RBFOX1: variants seen among roughly 807,000 people sequenced by gnomAD.
RBFOX1 encodes the protein RNA binding protein fox-1 homolog 1.
In RBFOX1, 8 loss-of-function variants were observed where a neutral mutation model predicts 57.7. That is an observed-to-expected ratio of 0.14 (90% CI 0.08 to 0.25). The LOEUF (loss-of-function observed/expected upper bound fraction) is 0.25. RBFOX1 is among the 10% of genes least tolerant of loss of function. The pLI, the probability that RBFOX1 is intolerant of heterozygous loss-of-function variation, is 1.00. For missense variants in RBFOX1, 611 were observed against 548.5 expected (o/e 1.11, Z -1.14); for synonymous variants, 326 against 222.4 (o/e 1.47, Z -4.15).
chr16:7,364,409 G>C (rs1302034459), intron 4 of RBFOX1, among the ~76,000 whole-genome samples: 1 of 152,082 alleles, frequency 6.6e-6, no homozygotes, highest in Non-Finnish European at 1.5e-5. Context: ...TAGATCTTGA[G>C]ATGCTAGCAT....
At chr16:5,515,157 C>A (rs1020489265) in intron 2 of RBFOX1, among the ~76,000 whole-genome samples, 1 of 152,260 alleles carries the variant, frequency 6.6e-6, no homozygotes, top group Non-Finnish European at 1.5e-5. Flanking sequence ...ACACCTCCCA[C>A]TTCAATACCG....
At chr16:6,981,562 TTGAC>T (rs1365451904) in intron 3 of RBFOX1, among the ~76,000 whole-genome samples, 1 of 152,154 alleles carries the variant, frequency 6.6e-6, no homozygotes, top group African/African-American at 2.4e-5. Flanking sequence ...GAAGATTAAA[TTGAC>T]TGACAGTTCC....
At chr16:5,277,994 G>A (rs776904146) in intron 1 of RBFOX1, among the ~76,000 whole-genome samples, 3 of 152,154 alleles carry the variant, frequency 2.0e-5, no homozygotes, top group Non-Finnish European at 4.4e-5. Context: ...TTGATACACT[G>A]ATATCCTTTT....
chr16:7,110,542 A>T (rs1035512935), intron 4 of RBFOX1, among the ~76,000 whole-genome samples: 1 of 152,186 alleles, frequency 6.6e-6, no homozygotes, highest in African/African-American at 2.4e-5. Context: ...AATAAAATCT[A>T]AGAACTTCGA....
chr16:5,329,940 G>A (rs968163290), intron 1 of RBFOX1, among the ~76,000 whole-genome samples: 3 of 149,206 alleles, frequency 2.0e-5, no homozygotes, highest in African/African-American at 7.7e-5. Context: ...CTGAGTTCAT[G>A]CCACTGCACT....
intron 1 of RBFOX1, among the ~76,000 whole-genome samples, chr16:5,321,402 C>T (rs991870530): frequency 1.3e-5 from 2 of 151,776 alleles, no homozygotes; most frequent in African/African-American, 4.8e-5. Flanking sequence ...TTACTGCCAG[C>T]TCCGCCTCCT....
At chr16:5,563,549 C>T (rs746060892) in intron 2 of RBFOX1, among the ~76,000 whole-genome samples, 6 of 152,128 alleles carry the variant, frequency 3.9e-5, no homozygotes, top group East Asian at 1.9e-4. Flanking sequence ...TTACAGTTAA[C>T]GCACCTTGGT....
chr16:6,779,174 C>G (rs2079907731), intron 3 of RBFOX1, among the ~76,000 whole-genome samples: 1 of 152,052 alleles, frequency 6.6e-6, no homozygotes, highest in African/African-American at 2.4e-5. Flanking sequence ...TTGCTCTCAA[C>G]TCCCCTTCCT....
chr16:6,896,393 T>C (rs1386945128), intron 3 of RBFOX1, among the ~76,000 whole-genome samples: 1 of 152,214 alleles, frequency 6.6e-6, no homozygotes, highest in Non-Finnish European at 1.5e-5. Context: ...TTTCTTTTTT[T>C]CTTTAAACTC....
At chr16:7,591,733 A>G (rs2094451998) in intron 7 of RBFOX1, among the ~76,000 whole-genome samples, 1 of 152,144 alleles carries the variant, frequency 6.6e-6, no homozygotes, top group East Asian at 1.9e-4. Flanking sequence ...ACACATCAGC[A>G]TCACACCCAG....
At chr16:7,488,348 G>T (rs2065961845) in intron 4 of RBFOX1, among the ~76,000 whole-genome samples, 1 of 152,056 alleles carries the variant, frequency 6.6e-6, no homozygotes, top group South Asian at 2.1e-4. Context: ...TAGATAGTTG[G>T]ATAGATACAC....
At chr16:5,344,258 G>C (rs2065093486) in intron 1 of RBFOX1, among the ~76,000 whole-genome samples, 1 of 152,160 alleles carries the variant, frequency 6.6e-6, no homozygotes, top group African/African-American at 2.4e-5. Context: ...ATGTCCTGCA[G>C]CTCCCTCTCT....
At chr16:6,769,653 C>A (rs1252837110) in intron 3 of RBFOX1, among the ~76,000 whole-genome samples, 1 of 152,190 alleles carries the variant, frequency 6.6e-6, no homozygotes, top group African/African-American at 2.4e-5. Context: ...ATGTATAATA[C>A]GAGTGTATCT....
intron 4 of RBFOX1, among the ~76,000 whole-genome samples, chr16:7,448,182 A>G (rs561999691): frequency 1.3e-5 from 2 of 152,342 alleles, no homozygotes; most frequent in African/African-American, 2.4e-5. Context: ...CTGCAAACAG[A>G]GCGGCTTAAA....
At chr16:6,816,734 T>G (rs1424925061) in intron 3 of RBFOX1, among the ~76,000 whole-genome samples, 1 of 138,934 alleles carries the variant, frequency 7.2e-6, no homozygotes, top group African/African-American at 2.9e-5. Context: ...AGCAAGACTG[T>G]CTCAAAAAAA....
In RBFOX1 at chr16:7,231,254, A is replaced by G. The variant is rs148040246; in HGVS notation, c.27+179156A>G. Among the ~76,000 whole-genome samples, 235 of 152,292 alleles carry G rather than the reference A, an allele frequency of 1.5e-3. 1 individual carries two copies. The highest frequency in any genetic ancestry group is 5.3e-3 in the African/African-American group (221 of 41,548). ...TTGTTTTCTGGTAGCTGGGCAAAGA[A>G]ATAAGGGAGGGCTTGGCTGGTTTGT... On this transcript the variant is annotated intron_variant, in intron 4 of 15. Coordinates refer to ENST00000550418, the MANE Select transcript of RBFOX1 (RefSeq NM_018723.4).
intron 3 of RBFOX1, among the ~76,000 whole-genome samples, chr16:5,640,992 C>A (rs1596551088): frequency 6.6e-6 from 1 of 150,970 alleles, no homozygotes; most frequent in Non-Finnish European, 1.5e-5. Flanking sequence ...GCATATCATG[C>A]ATACATATGC....
chr16:5,530,309 C>T (rs752841753), intron 2 of RBFOX1, among the ~76,000 whole-genome samples: 1 of 152,174 alleles, frequency 6.6e-6, no homozygotes, highest in East Asian at 1.9e-4. Context: ...GCCTTTCTCT[C>T]ATTTATTGCT....
chr16:6,470,611 C>G (rs2095152198), intron 2 of RBFOX1, among the ~76,000 whole-genome samples: 1 of 152,172 alleles, frequency 6.6e-6, no homozygotes, highest in Non-Finnish European at 1.5e-5. Context: ...TTGTGTAACT[C>G]TTTCTGGAGC....
Sources: allele counts gnomAD v4.1 joint callset (sites outside exome capture counted in the v4.1 genomes callset), GRCh38; gene constraint gnomAD v4.1.1; transcripts MANE v1.5; gene names NCBI Gene and HGNC (gene_info 2026-07-23, HGNC 2026-07-21).